REPS2: variants seen among roughly 807,000 people sequenced by gnomAD.
REPS2 encodes the protein RALBP1 associated Eps domain containing 2.
REPS2 carries 23 observed loss-of-function variants against 53.6 expected under a neutral mutation model. The ratio of observed to expected loss-of-function variants is 0.43; its 90% CI spans 0.31 to 0.61. REPS2 has a LOEUF of 0.61. REPS2 is among the 20% of genes least tolerant of loss of function. REPS2 has a pLI of 0.11. For synonymous variants in REPS2, 238 were observed against 218.6 expected (o/e 1.09, Z -0.78); for missense variants, 446 against 534.9 (o/e 0.83, Z 1.64).
intron 4 of REPS2, among the ~76,000 whole-genome samples, chrX:17,027,903 C>G (rs1281074056): frequency 9.0e-6 from 1 of 110,831 alleles, no homozygotes; most frequent in East Asian, 2.8e-4. Context: ...AGCTTTATTA[C>G]TGATATAGCT....
At chrX:17,175,967 A>G in the REPS2 span, among the ~76,000 whole-genome samples, 15 of 112,418 alleles carry the variant, frequency 1.3e-4, no homozygotes, top group African/African-American at 4.9e-4. Flanking sequence ...TCCATTAGCC[A>G]GAACTCAGTC....
At chrX:17,068,515 G>C in intron 10 of REPS2, 44 bp downstream of exon 10, 1 of 1,039,261 alleles carries the variant, frequency 9.6e-7, no homozygotes, top group South Asian at 2.0e-5. Context: ...CGTTCTACCT[G>C]TTACCTTATC....
chrX:16,980,315 T>A (rs982882873), intron 1 of REPS2, among the ~76,000 whole-genome samples: 2 of 108,196 alleles, frequency 1.8e-5, no homozygotes, highest in African/African-American at 6.7e-5. Flanking sequence ...TATTTTTAAA[T>A]TTTTTTTAGA....
chrX:17,106,911 C>T (rs991339247), intron 14 of REPS2, among the ~76,000 whole-genome samples: 11 of 111,699 alleles, frequency 9.8e-5, no homozygotes, highest in Non-Finnish European at 1.9e-4. Context: ...GCTACAGTAA[C>T]CAAAAGAGCA....
At chrX:16,991,096 C>T (rs1372961297) in intron 1 of REPS2, among the ~76,000 whole-genome samples, 2 of 111,098 alleles carry the variant, frequency 1.8e-5, no homozygotes, top group Non-Finnish European at 3.8e-5. Flanking sequence ...CTTTGAGTGT[C>T]TCTTGCCTCT....
intron 1 of REPS2, among the ~76,000 whole-genome samples, chrX:16,965,106 C>T (rs1482632045): frequency 3.2e-5 from 3 of 93,038 alleles, no homozygotes; most frequent in Admixed American, 1.1e-4. Flanking sequence ...CCCCCACCTC[C>T]CTCCCGGACG....
At chrX:17,072,608 A>G (rs893799106) in intron 11 of REPS2, among the ~76,000 whole-genome samples, 5 of 112,629 alleles carry the variant, frequency 4.4e-5, no homozygotes, top group Non-Finnish European at 9.4e-5. Context: ...GGGGAACAGT[A>G]TTTTATCATG....
At chrX:17,024,444 G>C (rs1001196200) in intron 3 of REPS2, among the ~76,000 whole-genome samples, 3 of 98,821 alleles carry the variant, frequency 3.0e-5, no homozygotes, top group African/African-American at 1.2e-4. Flanking sequence ...TTCTACATCA[G>C]GTTCATATTT....
rs1303262049 is a variant in REPS2 at position 17,057,073 on chromosome X, C to T, written c.1114+2123C>T. Among the ~76,000 whole-genome samples the T allele has an allele frequency of 1.4e-4, 16 of 112,152 alleles. No homozygotes were observed. In the Admixed American group the frequency reaches 1.5e-3, roughly 11 times the overall value. ...TGAGAGGCCCCAGAAACAGCTGGTG[C>T]TTTCAACAACCTTTCTCACTTTTTA... On this transcript the variant is annotated intron_variant, in intron 8 of 17. Transcript: ENST00000357277.
the REPS2 span, among the ~76,000 whole-genome samples, chrX:17,166,994 C>A: frequency 8.9e-6 from 1 of 112,035 alleles, no homozygotes; most frequent in East Asian, 2.8e-4. Context: ...AGAAAGAGGA[C>A]TGGATTAAGA....
At chrX:17,166,863 T>A in the REPS2 span, among the ~76,000 whole-genome samples, 2 of 112,269 alleles carry the variant, frequency 1.8e-5, no homozygotes, top group Non-Finnish European at 3.8e-5. Flanking sequence ...CATACATATG[T>A]ACACAGACAA....
chrX:16,966,048 G>A (rs1256430674), intron 1 of REPS2, among the ~76,000 whole-genome samples: 4 of 112,493 alleles, frequency 3.6e-5, no homozygotes, highest in African/African-American at 6.5e-5. Context: ...GCAGTGAGCC[G>A]AGATGGCAGC....
At chrX:16,979,348 G>A (rs1388182876) in intron 1 of REPS2, among the ~76,000 whole-genome samples, 3 of 112,132 alleles carry the variant, frequency 2.7e-5, no homozygotes, top group Non-Finnish European at 5.6e-5. Flanking sequence ...ATACTATTAA[G>A]CATGCCAAGA....
rs143201080 is a variant in REPS2 at position 17,010,228 on chromosome X, G to A, written c.397+3884G>A. Among the ~76,000 whole-genome samples, 638 of 112,518 alleles carry A rather than the reference G, an allele frequency of 5.7e-3. 2 individuals are homozygous for A. The highest frequency in any genetic ancestry group is 0.02 in the African/African-American group (613 of 30,998). On this transcript the variant is annotated intron_variant, in intron 2 of 17. Coordinates refer to ENST00000357277, the MANE Select transcript of REPS2 (RefSeq NM_004726.3). ...TGCTGGAATAGAATTGCTAAATTAG[G>A]TATAAAGCTAATTAACGCCCTACGG...
At chrX:17,064,928 G>A (rs2062205759) in intron 9 of REPS2, among the ~76,000 whole-genome samples, 1 of 112,436 alleles carries the variant, frequency 8.9e-6, no homozygotes, top group African/African-American at 3.2e-5. Context: ...ATGTTTTCAA[G>A]GTTCACTCAG....
Position 17,092,768 on chromosome X carries a change from AT to A in REPS2, c.1517-10942del, listed in dbSNP as rs1013283431. On this transcript the variant is annotated intron_variant, in intron 13 of 17. Transcript: ENST00000357277. ...CAACTGCACACTAGATTATTCAGCTATTTTTTTTCTTTTTTTTTTCCTTTGC... is the reference window on the plus strand; with the variant it reads ...CAACTGCACACTAGATTATTCAGCTATTTTTTTCTTTTTTTTTTCCTTTGC... Among the ~76,000 whole-genome samples the A allele has an allele frequency of 9.8e-5, 10 of 102,442 alleles. No homozygotes were observed. In the East Asian group the frequency reaches 2.1e-3, roughly 21 times the overall value. The allele number at this position is 102,442 out of a possible 115,157, so 89.0% of individuals were successfully genotyped here.
chrX:17,190,479 A>C, the REPS2 span, among the ~76,000 whole-genome samples: 1 of 112,342 alleles, frequency 8.9e-6, no homozygotes, highest in African/African-American at 3.2e-5. Context: ...GGAAGGTCTA[A>C]ACAAATGGGA....
intron 11 of REPS2, among the ~76,000 whole-genome samples, chrX:17,070,576 T>C (rs1370930048): frequency 2.7e-5 from 3 of 112,048 alleles, no homozygotes; most frequent in African/African-American, 3.2e-5. Context: ...GGAGCCATCA[T>C]TGAACCAAGT....
intron 1 of REPS2, among the ~76,000 whole-genome samples, chrX:16,977,398 C>T (rs950601709): frequency 9.0e-6 from 1 of 111,031 alleles, no homozygotes; most frequent in Non-Finnish European, 1.9e-5. Context: ...CTTACTGTTA[C>T]TTCTCTGGTG....
Sources: gnomAD v4.1 joint callset for allele counts (sites outside exome capture counted in the v4.1 genomes callset) on GRCh38, gnomAD v4.1.1 for gene constraint, MANE v1.5 for transcripts, NCBI Gene and HGNC (gene_info 2026-07-23, HGNC 2026-07-21) for gene names.